Variants in FRMPD4 observed in about 807,000 individuals in gnomAD.
FRMPD4 encodes the protein FERM and PDZ domain-containing protein 4.
A neutral mutation model predicts 94.1 loss-of-function variants in FRMPD4; 22 were observed. The observed-to-expected ratio is 0.23, with a 90% CI of 0.17 to 0.33. FRMPD4 has a LOEUF of 0.33. Among genes scored for constraint, FRMPD4 ranks in the 10% least tolerant of loss-of-function variants. The probability of loss-of-function intolerance (pLI) is 1.00; values close to 1 mark genes in which losing one functional copy is unlikely to be tolerated. For synonymous variants in FRMPD4, 631 were observed against 548.6 expected (o/e 1.15, Z -2.10); for missense variants, 1,111 against 1,339.9 (o/e 0.83, Z 2.67).
chrX:12,425,107 G>A (rs962170048), intron 1 of FRMPD4, among the ~76,000 whole-genome samples: 2 of 112,343 alleles, frequency 1.8e-5, no homozygotes, highest in East Asian at 2.8e-4. Flanking sequence ...TAAGTAGAGT[G>A]TTGCCTTCTT....
intron 13 of FRMPD4, chrX:12,708,987 C>G (rs1367930091): frequency 8.8e-6 from 1 of 113,614 alleles, no homozygotes; most frequent in East Asian, 2.8e-4. Context: ...ACTCCATGAG[C>G]AAAGAGGCTG....
At chrX:12,364,766 G>A (rs764365565) in intron 1 of FRMPD4, among the ~76,000 whole-genome samples, 21 of 111,490 alleles carry the variant, frequency 1.9e-4, no homozygotes, top group African/African-American at 6.5e-4. Flanking sequence ...CGTCATGTGC[G>A]CCCCCCGCCC....
At chrX:12,539,996 A>G (rs756483538) in intron 2 of FRMPD4, among the ~76,000 whole-genome samples, 239 of 112,028 alleles carry the variant, frequency 2.1e-3, no homozygotes, top group African/African-American at 7.4e-3. Context: ...ACTAAGCTTC[A>G]TAAGTGAAGG....
intron 1 of FRMPD4, among the ~76,000 whole-genome samples, chrX:12,323,778 CA>C (rs2055244668): frequency 1.8e-5 from 2 of 111,562 alleles, no homozygotes; most frequent in Non-Finnish European, 3.8e-5. Flanking sequence ...GCAAAGAGGG[CA>C]ACTGGAGTCC....
At chrX:11,949,958 A>G (rs896921054) in intron 3 of FRMPD4, among the ~76,000 whole-genome samples, 2 of 112,242 alleles carry the variant, frequency 1.8e-5, no homozygotes, top group Non-Finnish European at 3.8e-5. Context: ...ACATAGTGAA[A>G]TAATTACTAA....
Position 12,395,126 on chromosome X carries a change from A to T in FRMPD4, c.42-103554A>T, listed in dbSNP as rs191377183. Among the ~76,000 whole-genome samples the T allele has an allele frequency of 2.4e-4, 27 of 112,149 alleles. 2 individuals are homozygous for T. The East Asian group carries it at 3.3e-3, about 14-fold the overall frequency. On this transcript the variant is annotated intron_variant, in intron 1 of 16. Transcript: ENST00000675598. ...TGTTGGGCACTGACCAATAACAATT[A>T]TAGCCTCCAACTGCTTGTATGAGGC...
chrX:12,561,662 T>C (rs1015844111), intron 2 of FRMPD4, among the ~76,000 whole-genome samples: 5 of 112,252 alleles, frequency 4.5e-5, no homozygotes, highest in Non-Finnish European at 7.5e-5. Context: ...GGCAAAGTGT[T>C]GCGTGTGTTT....
chrX:12,165,919 G>A (rs1447660196), intron 1 of FRMPD4, among the ~76,000 whole-genome samples: 1 of 111,562 alleles, frequency 9.0e-6, no homozygotes, highest in Non-Finnish European at 1.9e-5. Flanking sequence ...AGACTTTGCT[G>A]AAGTTGCTTA....
intron 1 of FRMPD4, among the ~76,000 whole-genome samples, chrX:11,824,284 G>A (rs931956385): frequency 1.3e-4 from 15 of 111,695 alleles, no homozygotes; most frequent in African/African-American, 4.2e-4. Flanking sequence ...CGTAAGTGGG[G>A]ACAGTTGGAT....
chrX:12,580,459 C>T (rs1307136341), intron 2 of FRMPD4, among the ~76,000 whole-genome samples: 16 of 111,584 alleles, frequency 1.4e-4, no homozygotes, highest in African/African-American at 5.2e-4. Context: ...TTTCCTATAC[C>T]CATGATAAAG....
At position 12,473,516 on chromosome X, in the gene FRMPD4, T is replaced by A. The variant is rs753405822; in HGVS notation, c.42-25164T>A. Among the ~76,000 whole-genome samples, 6 of 109,931 alleles carry A rather than the reference T, an allele frequency of 5.5e-5. No individual in the cohort carries two copies. In the South Asian group the frequency reaches 1.9e-3, roughly 35 times the overall value. Reference sequence around the variant, plus strand: ...AATGCTCCAATTAAAAGACACAGACTGGCAAATTGGATAAACAGTCAAGAC... The same window carrying A: ...AATGCTCCAATTAAAAGACACAGACAGGCAAATTGGATAAACAGTCAAGAC... On this transcript the variant is annotated intron_variant, in intron 1 of 16. Transcript: ENST00000675598.
At chrX:11,910,603 A>G in intron 3 of FRMPD4, among the ~76,000 whole-genome samples, 1 of 111,411 alleles carries the variant, frequency 9.0e-6, no homozygotes, top group Non-Finnish European at 1.9e-5. Flanking sequence ...TTTAATAGGG[A>G]TGGGGTTTCA....
At chrX:12,085,895 T>C (rs992476521) in intron 3 of FRMPD4, among the ~76,000 whole-genome samples, 1 of 112,214 alleles carries the variant, frequency 8.9e-6, no homozygotes, top group Non-Finnish European at 1.9e-5. Flanking sequence ...ATTGGACAGA[T>C]ACATGCTGGC....
chrX:12,341,842 C>A (rs1241140527), intron 1 of FRMPD4, among the ~76,000 whole-genome samples: 1 of 111,961 alleles, frequency 8.9e-6, no homozygotes, highest in East Asian at 2.8e-4. Flanking sequence ...TTTAATGGCT[C>A]TTGAAATTAA....
intron 1 of FRMPD4, among the ~76,000 whole-genome samples, chrX:11,852,035 C>G (rs1012676652): frequency 1.2e-4 from 13 of 108,852 alleles, no homozygotes; most frequent in African/African-American, 4.3e-4. Context: ...TTAATAAAAT[C>G]TTTTCATCTG....
At chrX:12,696,355 GA>G (rs2060128795) in intron 9 of FRMPD4, among the ~76,000 whole-genome samples, 1 of 110,830 alleles carries the variant, frequency 9.0e-6, no homozygotes, top group Non-Finnish European at 1.9e-5. Context: ...GTCCCAAAGG[GA>G]ATTTATCCAA....
At chrX:11,913,258 T>A (rs1199471398) in intron 3 of FRMPD4, among the ~76,000 whole-genome samples, 1 of 112,207 alleles carries the variant, frequency 8.9e-6, no homozygotes, top group Non-Finnish European at 1.9e-5. Flanking sequence ...TGTCCCATGA[T>A]TGTGAGGCTG....
At chrX:12,011,339 GAACT>G (rs2054579748) in intron 3 of FRMPD4, among the ~76,000 whole-genome samples, 1 of 111,776 alleles carries the variant, frequency 8.9e-6, no homozygotes, top group African/African-American at 3.3e-5. Flanking sequence ...TTCAGAGCAG[GAACT>G]AACTTTCTAG....
At chrX:12,709,242 G>C (rs4279777) in intron 13 of FRMPD4, among the ~76,000 whole-genome samples, 26,172 of 110,666 alleles carry the variant, frequency 0.24, 3,155 homozygotes, top group East Asian at 0.73. Flanking sequence ...TAAATTCTAC[G>C]AGCTGGGGGC....
Sources: allele counts gnomAD v4.1 joint callset (sites outside exome capture counted in the v4.1 genomes callset), GRCh38; gene constraint gnomAD v4.1.1; transcripts MANE v1.5; gene names NCBI Gene and HGNC (gene_info 2026-07-23, HGNC 2026-07-21).